Variants in UBE2E2 observed in about 807,000 individuals in gnomAD.
The protein encoded by UBE2E2 is ubiquitin conjugating enzyme E2 E2.
A neutral mutation model predicts 24.7 loss-of-function variants in UBE2E2; 6 were observed. That is an observed-to-expected ratio of 0.24 (90% confidence interval 0.13 to 0.48). The LOEUF (loss-of-function observed/expected upper bound fraction) is 0.48, where lower values mean the gene tolerates loss of function less well. UBE2E2 is among the 20% of genes least tolerant of loss of function. UBE2E2 has a pLI of 0.99. For synonymous variants in UBE2E2, 104 were observed against 83.6 expected, an observed-to-expected ratio of 1.24 and a Z score of -1.33; for missense variants, 169 against 245.0, an observed-to-expected ratio of 0.69 and a Z score of 2.07.
intron 4 of UBE2E2, among the ~76,000 whole-genome samples, chr3:23,531,304 G>A (rs1695117963): frequency 1.3e-5 from 2 of 152,132 alleles, no homozygotes; most frequent in African/African-American, 4.8e-5. Flanking sequence ...CCAAAAGACT[G>A]TCTTTAGAAC....
intron 3 of UBE2E2, among the ~76,000 whole-genome samples, chr3:23,293,887 G>A (rs557387250): frequency 3.9e-5 from 6 of 152,290 alleles, no homozygotes; most frequent in East Asian, 3.9e-4. Flanking sequence ...AGGCTGAGTC[G>A]AGAGGATTCC....
At chr3:23,300,070 G>A (rs1330963071) in intron 3 of UBE2E2, among the ~76,000 whole-genome samples, 1 of 152,056 alleles carries the variant, frequency 6.6e-6, no homozygotes, top group Non-Finnish European at 1.5e-5. Flanking sequence ...ATCTTTGCTG[G>A]TTTAAAGTCT....
At chr3:23,549,523 A>G (rs1695595711) in intron 5 of UBE2E2, among the ~76,000 whole-genome samples, 1 of 152,136 alleles carries the variant, frequency 6.6e-6, no homozygotes, top group Non-Finnish European at 1.5e-5. Context: ...TCTCTCACTA[A>G]CTAGCTAGTG....
intron 3 of UBE2E2, among the ~76,000 whole-genome samples, chr3:23,384,103 C>T (rs1696746694): frequency 6.6e-6 from 1 of 152,070 alleles, no homozygotes; most frequent in Non-Finnish European, 1.5e-5. Context: ...TCAAGCAATC[C>T]TTCCACCTTA....
At chr3:23,464,347 C>T (rs190634151) in intron 3 of UBE2E2, among the ~76,000 whole-genome samples, 64 of 152,188 alleles carry the variant, frequency 4.2e-4, no homozygotes, top group Admixed American at 1.0e-3. Context: ...ATTAACTACC[C>T]TCAAGCAGTA....
intron 3 of UBE2E2, among the ~76,000 whole-genome samples, chr3:23,485,030 G>A (rs1396015607): frequency 2.0e-5 from 3 of 151,800 alleles, no homozygotes; most frequent in Non-Finnish European, 1.5e-5. Flanking sequence ...TAGTCCTGTG[G>A]GAGTCTTGAT....
At chr3:23,576,403 A>C (rs1294153425) in intron 5 of UBE2E2, among the ~76,000 whole-genome samples, 1 of 152,146 alleles carries the variant, frequency 6.6e-6, no homozygotes, top group East Asian at 1.9e-4. Flanking sequence ...AAATTCCAAT[A>C]ACAAAATAAT....
At chr3:23,391,298 A>G (rs767701420) in intron 3 of UBE2E2, among the ~76,000 whole-genome samples, 5 of 152,210 alleles carry the variant, frequency 3.3e-5, no homozygotes, top group Non-Finnish European at 5.9e-5. Flanking sequence ...TAAACTATAC[A>G]TTTTTAAATC....
rs546894180 is a variant in UBE2E2 at position 23,254,209 on chromosome 3, C to G, written c.227+36897C>G. 2.0e-5 allele frequency among the ~76,000 whole-genome samples: 3 copies of G among 152,296 alleles called. No homozygotes were observed. The East Asian group carries it at 5.8e-4, about 29-fold the overall frequency. ...GGGTCCTTGCTCCAAGAGACCTCTGCTTTAGTTGAAGAGACTCATTTTTGC... is the reference window on the plus strand; with the variant it reads ...GGGTCCTTGCTCCAAGAGACCTCTGGTTTAGTTGAAGAGACTCATTTTTGC... On this transcript the variant is annotated intron_variant, in intron 3 of 5. Transcript: ENST00000396703.
At chr3:23,372,931 G>A (rs913956333) in intron 3 of UBE2E2, among the ~76,000 whole-genome samples, 25 of 152,096 alleles carry the variant, frequency 1.6e-4, no homozygotes, top group African/African-American at 6.0e-4. Flanking sequence ...TTTAGAATCT[G>A]TTATGACTGA....
intron 4 of UBE2E2, among the ~76,000 whole-genome samples, chr3:23,500,021 A>T (rs991307726): frequency 6.6e-6 from 1 of 151,802 alleles, no homozygotes; most frequent in African/African-American, 2.4e-5. Flanking sequence ...ACCATGTTTT[A>T]TGGGTGAAAA....
intron 3 of UBE2E2, among the ~76,000 whole-genome samples, chr3:23,456,284 G>T (rs1392669047): frequency 6.6e-6 from 1 of 152,206 alleles, no homozygotes; most frequent in Non-Finnish European, 1.5e-5. Context: ...ATGAGAGTTG[G>T]AATCAACTTC....
intron 3 of UBE2E2, among the ~76,000 whole-genome samples, chr3:23,459,878 A>C (rs1207251940): frequency 6.6e-6 from 1 of 152,198 alleles, no homozygotes; most frequent in East Asian, 1.9e-4. Flanking sequence ...GTTAGTTTTA[A>C]ATGCTGAAAG....
intron 3 of UBE2E2, among the ~76,000 whole-genome samples, chr3:23,261,216 C>G (rs1392636154): frequency 6.7e-6 from 1 of 150,030 alleles, no homozygotes; most frequent in Non-Finnish European, 1.5e-5. Flanking sequence ...ATCTGAAAGT[C>G]TTTTAAAAAG....
chr3:23,270,350 C>T (rs1471365842), intron 3 of UBE2E2, among the ~76,000 whole-genome samples: 4 of 151,966 alleles, frequency 2.6e-5, no homozygotes, highest in Admixed American at 2.0e-4. Flanking sequence ...GTATTTTGTG[C>T]ACAAAGGGCT....
At chr3:23,464,060 A>G (rs1698870812) in intron 3 of UBE2E2, among the ~76,000 whole-genome samples, 1 of 152,158 alleles carries the variant, frequency 6.6e-6, no homozygotes, top group Non-Finnish European at 1.5e-5. Flanking sequence ...ACCCTGGCTT[A>G]TATTTAGCAG....
At chr3:23,577,271 G>T (rs1051639866) in intron 5 of UBE2E2, among the ~76,000 whole-genome samples, 2 of 151,552 alleles carry the variant, frequency 1.3e-5, no homozygotes, top group African/African-American at 4.8e-5. Context: ...GTTGTGAATG[G>T]AAAGGAAAAG....
At chr3:23,318,163 T>A (rs964413542) in intron 3 of UBE2E2, among the ~76,000 whole-genome samples, 4 of 151,886 alleles carry the variant, frequency 2.6e-5, no homozygotes, top group Admixed American at 1.3e-4. Flanking sequence ...TTTAAAAAAA[T>A]TTTTTTTATT....
At chr3:23,475,238 A>T (rs1004865113) in intron 3 of UBE2E2, among the ~76,000 whole-genome samples, 4 of 152,048 alleles carry the variant, frequency 2.6e-5, no homozygotes, top group African/African-American at 9.7e-5. Context: ...TGGTTCTGTC[A>T]TAACCTAATC....
Sources: allele counts gnomAD v4.1 joint callset (sites outside exome capture counted in the v4.1 genomes callset), GRCh38; gene constraint gnomAD v4.1.1; transcripts MANE v1.5; gene names NCBI Gene and HGNC (gene_info 2026-07-23, HGNC 2026-07-21).